Variants in GALNT10 observed in about 807,000 individuals in gnomAD.
GALNT10 encodes polypeptide N-acetylgalactosaminyltransferase 10.
In GALNT10, 41 loss-of-function variants were observed where a neutral mutation model predicts 75.0. The ratio of observed to expected loss-of-function variants is 0.55; its 90% CI spans 0.43 to 0.71. The LOEUF (loss-of-function observed/expected upper bound fraction) is 0.71. GALNT10 is among the 30% of genes least tolerant of loss of function. The pLI is 0.00. For missense variants in GALNT10, 727 were observed against 818.5 expected, an observed-to-expected ratio of 0.89 and a Z score of 1.36; for synonymous variants, 302 against 313.0, an observed-to-expected ratio of 0.96 and a Z score of 0.37.
chr5:154,198,604 T>C (rs1366368628), intron 1 of GALNT10, among the ~76,000 whole-genome samples: 4 of 152,210 alleles, frequency 2.6e-5, no homozygotes, highest in African/African-American at 4.8e-5. Context: ...CAGAGGCTGC[T>C]CTTGGTACCC....
At chr5:154,223,428 G>T (rs1341329167) in intron 1 of GALNT10, among the ~76,000 whole-genome samples, 1 of 152,162 alleles carries the variant, frequency 6.6e-6, no homozygotes, top group African/African-American at 2.4e-5. Context: ...TAACCTTTGG[G>T]CTAAATTGCC....
rs191474365 is a variant in GALNT10 at position 154,326,140 on chromosome 5, G to A, written c.402-3432G>A. On this transcript the variant is annotated intron_variant, in intron 3 of 11. Transcript: ENST00000297107. ...TTTTTCCAGAGAAGATGTACAAATG[G>A]CCAATAGGCATATGGAAAGATACTC... Among the ~76,000 whole-genome samples the A allele has an allele frequency of 1.6e-3, 244 of 151,208 alleles. 1 individual carries two copies. The highest frequency in any genetic ancestry group is 5.5e-3 in the African/African-American group (228 of 41,266).
intron 1 of GALNT10, among the ~76,000 whole-genome samples, chr5:154,232,189 T>A (rs1389846933): frequency 6.6e-6 from 1 of 152,216 alleles, no homozygotes; most frequent in Admixed American, 6.5e-5. Flanking sequence ...GCTGTGTGGC[T>A]CCAGGCAAGC....
In GALNT10 at chr5:154,417,295, A is replaced by G. The variant is rs1756534232; in HGVS notation, c.*323A>G. 4.2e-6 allele frequency: 1 copy of G among 240,884 alleles called. No individual in the cohort carries two copies. The highest frequency in any genetic ancestry group is 8.1e-6 in the Non-Finnish European group (1 of 123,660). 14.9% of individuals were successfully genotyped at this position (240,884 alleles called of 1,614,324 possible). On this transcript the variant is annotated 3_prime_UTR_variant, in exon 12 of 12. Coordinates refer to ENST00000297107, the MANE Select transcript of GALNT10 (RefSeq NM_198321.4). ...CTTGAACATTATGTGGGAGAACACCAAGGTAGCCTAGGCCACCCAAAAGTG... is the reference window on the plus strand; with the variant it reads ...CTTGAACATTATGTGGGAGAACACCGAGGTAGCCTAGGCCACCCAAAAGTG...
rs1756572681 is a variant in GALNT10 at position 154,418,826 on chromosome 5, C to T, written c.*1854C>T. On this transcript the variant is annotated 3_prime_UTR_variant, in exon 12 of 12. Transcript: ENST00000297107. Reference sequence around the variant, plus strand: ...ACGTGTTGATCCCAGTGTCCTTTTCCAAATGAGTGCTGTAGCTTTAGAAGT... The same window carrying T: ...ACGTGTTGATCCCAGTGTCCTTTTCTAAATGAGTGCTGTAGCTTTAGAAGT... 6.6e-6 allele frequency: 1 copy of T among 152,252 alleles called. No individual in the cohort carries two copies. Among genetic ancestry groups the T allele is most frequent in the African/African-American group, 2.4e-5 (1 of 41,434 alleles). 9.4% of individuals were successfully genotyped at this position (152,252 alleles called of 1,614,324 possible).
chr5:154,384,717 C>CA (rs1171220215), intron 6 of GALNT10, among the ~76,000 whole-genome samples: 1 of 152,146 alleles, frequency 6.6e-6, no homozygotes, highest in Non-Finnish European at 1.5e-5. Flanking sequence ...ACCTGCTTCT[C>CA]GAGTGTTCCT....
chr5:154,382,642 C>T (rs1229339475), intron 6 of GALNT10, among the ~76,000 whole-genome samples: 1 of 152,198 alleles, frequency 6.6e-6, no homozygotes, highest in East Asian at 1.9e-4. Context: ...GGAAACAAGA[C>T]TTGTCCTAGT....
At chr5:154,243,960 T>G (rs376461564) in intron 1 of GALNT10, among the ~76,000 whole-genome samples, 4 of 152,200 alleles carry the variant, frequency 2.6e-5, no homozygotes, top group African/African-American at 9.6e-5. Flanking sequence ...GCCAGAGTCC[T>G]CATTTTATAG....
chr5:154,194,611 C>T (rs1290620691), intron 1 of GALNT10, among the ~76,000 whole-genome samples: 2 of 152,236 alleles, frequency 1.3e-5, no homozygotes, highest in Non-Finnish European at 2.9e-5. Context: ...CTGCCCTAAA[C>T]TCACTGTGTG....
At chr5:154,271,265 G>A (rs542368639) in intron 1 of GALNT10, among the ~76,000 whole-genome samples, 23 of 152,060 alleles carry the variant, frequency 1.5e-4, no homozygotes, top group African/African-American at 4.6e-4. Flanking sequence ...TCAGGAGTTC[G>A]AGACCAGCCT....
chr5:154,415,845 C>T lies in GALNT10; in HGVS notation c.1566C>T (p.Phe522=). 6.2e-7 allele frequency: 1 copy of T among 1,614,130 alleles called. No homozygotes were observed. Among genetic ancestry groups the T allele is most frequent in the Middle Eastern group, 1.6e-4 (1 of 6,062 alleles). ...RPGDPQHTKK[F]CFDAISHTSP... is the part of the protein sequence containing the mutation. ...GAGACCCCCAGCACACCAAGAAGTT[C>T]TGCTTTGATGCCATTTCCCACACCA... Residue 522 remains phenylalanine, a synonymous_variant, in exon 11 of 12, where the codon TTC becomes TTT. Transcript: ENST00000297107.
At chr5:154,413,079 G>C in intron 10 of GALNT10, 74 bp downstream of exon 10, 1 of 917,638 alleles carries the variant, frequency 1.1e-6, no homozygotes, top group South Asian at 1.4e-5. Context: ...GACACGGCCA[G>C]CTGGGAGGGA....
intron 3 of GALNT10, among the ~76,000 whole-genome samples, chr5:154,326,911 A>G (rs1011008338): frequency 6.6e-6 from 1 of 152,238 alleles, no homozygotes; most frequent in Non-Finnish European, 1.5e-5. Flanking sequence ...TCTCAATACA[A>G]AGGAGATACA....
At chr5:154,311,968 T>C (rs1430698930) in intron 3 of GALNT10, among the ~76,000 whole-genome samples, 1 of 152,118 alleles carries the variant, frequency 6.6e-6, no homozygotes, top group East Asian at 1.9e-4. Flanking sequence ...GGACCAGGCC[T>C]AGTGAGTGGT....
intron 1 of GALNT10, among the ~76,000 whole-genome samples, chr5:154,244,180 G>A (rs967138743): frequency 2.0e-5 from 3 of 152,150 alleles, no homozygotes; most frequent in Non-Finnish European, 2.9e-5. Flanking sequence ...TGGAGTGACC[G>A]CCTAGCAAGT....
At chr5:154,323,201 C>T (rs1225742393) in intron 3 of GALNT10, among the ~76,000 whole-genome samples, 3 of 152,050 alleles carry the variant, frequency 2.0e-5, no homozygotes, top group East Asian at 1.9e-4. Flanking sequence ...TATGTTGTTT[C>T]GTTTTGTTAA....
chr5:154,254,412 C>T (rs1252106186), intron 1 of GALNT10, among the ~76,000 whole-genome samples: 1 of 152,026 alleles, frequency 6.6e-6, no homozygotes, highest in Non-Finnish European at 1.5e-5. Context: ...AGAATCATTC[C>T]TGTTGGCAAA....
chr5:154,247,051 A>G (rs1753438374), intron 1 of GALNT10, among the ~76,000 whole-genome samples: 1 of 152,172 alleles, frequency 6.6e-6, no homozygotes, highest in African/African-American at 2.4e-5. Context: ...TCCCAGCACC[A>G]TGTATTAAAT....
At chr5:154,293,798 A>G (rs931157115) in intron 1 of GALNT10, among the ~76,000 whole-genome samples, 3 of 151,702 alleles carry the variant, frequency 2.0e-5, no homozygotes, top group Non-Finnish European at 2.9e-5. Context: ...TTACCCAAAC[A>G]TCACAAGTCA....
Sources: allele counts gnomAD v4.1 joint callset (sites outside exome capture counted in the v4.1 genomes callset), GRCh38; gene constraint gnomAD v4.1.1; transcripts MANE v1.5; gene names NCBI Gene and HGNC (gene_info 2026-07-23, HGNC 2026-07-21).